SIPA1L1: variants seen among roughly 807,000 people sequenced by gnomAD.
The protein encoded by SIPA1L1 is signal-induced proliferation-associated 1-like protein 1.
In SIPA1L1, 26 loss-of-function variants were observed where a neutral mutation model predicts 162.7. The ratio of observed to expected loss-of-function variants is 0.16; its 90% CI spans 0.12 to 0.22. The LOEUF is 0.22. Ranked by LOEUF, SIPA1L1 falls within the 10% of genes least tolerant of loss-of-function variation. The probability of loss-of-function intolerance (pLI) is 1.00; values close to 1 mark genes in which losing one functional copy is unlikely to be tolerated. For synonymous variants in SIPA1L1, 829 were observed against 837.4 expected (o/e 0.99, Z 0.17); for missense variants, 1,874 against 2,241.0 (o/e 0.84, Z 3.31).
chr14:71,398,373 C>G (rs1468471529), intron 2 of SIPA1L1: 1 of 152,140 alleles, frequency 6.6e-6, no homozygotes, highest in Non-Finnish European at 1.5e-5. Flanking sequence ...AACAGCGGTT[C>G]ACCTAGTGAA....
chr14:71,654,537 T>G (rs911766642), intron 8 of SIPA1L1, among the ~76,000 whole-genome samples: 1 of 152,162 alleles, frequency 6.6e-6, no homozygotes, highest in South Asian at 2.1e-4. Context: ...ATTAATTTGC[T>G]GCAATGTTAG....
intron 2 of SIPA1L1, among the ~76,000 whole-genome samples, chr14:71,395,600 G>A (rs1163804571): frequency 2.0e-5 from 3 of 152,182 alleles, no homozygotes; most frequent in South Asian, 2.1e-4. Context: ...GTTTGAGGCT[G>A]CAGTGAGCTA....
intron 2 of SIPA1L1, among the ~76,000 whole-genome samples, chr14:71,504,702 G>A (rs1044524049): frequency 3.9e-5 from 6 of 152,244 alleles, no homozygotes; most frequent in South Asian, 2.1e-4. Flanking sequence ...TATAAGATGC[G>A]TACTGATTTC....
At chr14:71,355,262 T>A (rs180924826) in intron 2 of SIPA1L1, among the ~76,000 whole-genome samples, 1 of 152,360 alleles carries the variant, frequency 6.6e-6, no homozygotes, top group African/African-American at 2.4e-5. Context: ...TAGGACTTAA[T>A]CTTTATACCA....
chr14:71,450,605 A>C (rs1041426036), intron 2 of SIPA1L1, among the ~76,000 whole-genome samples: 3 of 152,238 alleles, frequency 2.0e-5, no homozygotes, highest in African/African-American at 7.2e-5. Context: ...AAAATATTTG[A>C]GAAATTATCA....
intron 3 of SIPA1L1, among the ~76,000 whole-genome samples, chr14:71,528,318 C>T (rs2053091024): frequency 6.6e-6 from 1 of 152,116 alleles, no homozygotes; most frequent in Admixed American, 6.6e-5. Flanking sequence ...TTAGTTGTGT[C>T]TTGTAGTGAG....
At chr14:71,579,643 T>TA (rs2033636517) in intron 4 of SIPA1L1, among the ~76,000 whole-genome samples, 1 of 152,242 alleles carries the variant, frequency 6.6e-6, no homozygotes, top group Non-Finnish European at 1.5e-5. Context: ...TGTTTTTCTT[T>TA]TACGTTCTAG....
chr14:71,615,683 G>A (rs2038757888), intron 5 of SIPA1L1, among the ~76,000 whole-genome samples: 1 of 152,150 alleles, frequency 6.6e-6, no homozygotes. Context: ...ATGTGCGTGG[G>A]ACAAACGGTT....
intron 2 of SIPA1L1, among the ~76,000 whole-genome samples, chr14:71,468,562 A>G (rs1318053701): frequency 2.0e-5 from 3 of 152,104 alleles, no homozygotes; most frequent in Non-Finnish European, 4.4e-5. Flanking sequence ...GTTTTAAGCC[A>G]CTCATGGGTT....
chr14:71,413,620 C>T (rs2042561220), intron 2 of SIPA1L1, among the ~76,000 whole-genome samples: 1 of 152,064 alleles, frequency 6.6e-6, no homozygotes, highest in African/African-American at 2.4e-5. Context: ...ACCTGTAATC[C>T]CAGCTACTCA....
intron 12 of SIPA1L1, among the ~76,000 whole-genome samples, chr14:71,684,872 G>A (rs2046145850): frequency 1.3e-5 from 2 of 151,902 alleles, no homozygotes. Flanking sequence ...ACAATGGCAG[G>A]TGTGTGAAGC....
chr14:71,439,718 T>G (rs1287984643), intron 2 of SIPA1L1, among the ~76,000 whole-genome samples: 1 of 152,228 alleles, frequency 6.6e-6, no homozygotes, highest in East Asian at 1.9e-4. Context: ...TCTAAATATT[T>G]TACCACTAAT....
rs773287195 is a variant in SIPA1L1, at chr14:71,588,354, G to C, written c.482G>C (p.Ser161Thr). 3 of 1,613,734 alleles carry C rather than the reference G, an allele frequency of 1.9e-6. No individual in the cohort carries two copies. The highest frequency in any genetic ancestry group is 2.2e-5 in the East Asian group (1 of 44,860). Residue 161 changes from serine (S) to threonine (T), a missense_variant, in exon 5 of 24, where the codon AGC becomes ACC. Coordinates refer to ENST00000381232, the MANE Select transcript of SIPA1L1 (RefSeq NM_001386936.1). This position sits in a 1 kb window ranked among gnomAD's most constrained non-coding sequence, Gnocchi z 4.3. Reference sequence around the variant, plus strand: ...TTTCTCATGCCTGAAGCCTACCCCAGCTCCCCCAGAAAAGCTCTTCGCAGA... The same window carrying C: ...TTTCTCATGCCTGAAGCCTACCCCACCTCCCCCAGAAAAGCTCTTCGCAGA... ...SRFLMPEAYP[S>T]SPRKALRRIR... is the part of the protein sequence containing the mutation.
intron 2 of SIPA1L1, among the ~76,000 whole-genome samples, chr14:71,504,930 TGAAG>T (rs1466266583): frequency 2.6e-5 from 4 of 152,188 alleles, no homozygotes; most frequent in Admixed American, 2.6e-4. Flanking sequence ...AAATTTTTAA[TGAAG>T]GATCACTTTT....
chr14:71,485,093 G>A (rs1226384695), intron 2 of SIPA1L1, among the ~76,000 whole-genome samples: 1 of 152,198 alleles, frequency 6.6e-6, no homozygotes, highest in African/African-American at 2.4e-5. Flanking sequence ...AGAGAAAGAG[G>A]TACAATAACG....
At chr14:71,682,670 G>T (rs1219949890) in intron 12 of SIPA1L1, among the ~76,000 whole-genome samples, 2 of 152,204 alleles carry the variant, frequency 1.3e-5, no homozygotes. Context: ...GGCCAGAGAG[G>T]CCTTCTAGCC....
chr14:71,417,715 C>T (rs892011043), intron 2 of SIPA1L1, among the ~76,000 whole-genome samples: 20 of 151,878 alleles, frequency 1.3e-4, no homozygotes, highest in African/African-American at 4.8e-4. Context: ...TGAAAAAATC[C>T]ACTTTTAAGT....
chr14:71,721,796 A>G (rs2083764629), intron 17 of SIPA1L1, among the ~76,000 whole-genome samples: 2 of 152,170 alleles, frequency 1.3e-5, no homozygotes, highest in East Asian at 1.9e-4. Flanking sequence ...GTGCACCCCA[A>G]GTCCACTTCT....
intron 16 of SIPA1L1, among the ~76,000 whole-genome samples, chr14:71,706,533 T>C (rs1349588808): frequency 2.0e-5 from 3 of 152,190 alleles, no homozygotes; most frequent in African/African-American, 4.8e-5. Flanking sequence ...AAACCAGCCA[T>C]GTTAAAAGTA....
Sources: allele counts gnomAD v4.1 joint callset (sites outside exome capture counted in the v4.1 genomes callset), GRCh38; gene constraint gnomAD v4.1.1; non-coding constraint Gnocchi (gnomAD v3.1); transcripts MANE v1.5; gene names NCBI Gene and HGNC (gene_info 2026-07-23, HGNC 2026-07-21).